Variants in AP3B1 observed in about 807,000 individuals in gnomAD.
The protein encoded by AP3B1 is AP-3 complex subunit beta-1.
Under a neutral mutation model 132.5 loss-of-function variants are expected in AP3B1, and 61 were observed. The observed-to-expected ratio is 0.46, with a 90% CI of 0.37 to 0.57. The LOEUF (loss-of-function observed/expected upper bound fraction) is 0.57, where lower values mean the gene tolerates loss of function less well. Among genes scored for constraint, AP3B1 ranks in the 20% least tolerant of loss-of-function variants. The pLI is 0.00. For missense variants in AP3B1, 1,120 were observed against 1,289.4 expected, an observed-to-expected ratio of 0.87 and a Z score of 2.01; for synonymous variants, 388 against 438.3, an observed-to-expected ratio of 0.89 and a Z score of 1.43.
At chr5:78,013,424 A>G (rs1746704336) in intron 26 of AP3B1, among the ~76,000 whole-genome samples, 1 of 152,234 alleles carries the variant, frequency 6.6e-6, no homozygotes, top group South Asian at 2.1e-4. Context: ...AAAGAAACCC[A>G]AAACAACCTA....
chr5:78,125,486 G>A (rs1752418508), intron 17 of AP3B1, among the ~76,000 whole-genome samples: 1 of 152,114 alleles, frequency 6.6e-6, no homozygotes. Context: ...ACAGTGACAT[G>A]ACTTGGAAGG....
Position 78,181,552 on chromosome 5 carries a change from G to A in AP3B1, c.897C>T (p.Leu299=), listed in dbSNP as rs748021130. 1.9e-6 allele frequency: 3 copies of A among 1,613,126 alleles called. No individual in the cohort carries two copies. Among genetic ancestry groups the A allele is most frequent in the South Asian group, 2.2e-5 (2 of 91,050 alleles). ...KPYTMDPDHR[L]LIRNTKPLLQ... ...GCAAAGGCTTTGTATTTCTAATTAAGAGTCTATGATCTGGATCCATAGTAT... is the reference window on the plus strand; with the variant it reads ...GCAAAGGCTTTGTATTTCTAATTAAAAGTCTATGATCTGGATCCATAGTAT... The change falls in exon 8 of 27, where the codon CTC becomes CTT. Residue 299 remains leucine (L), a synonymous_variant. Transcript: ENST00000255194.
intron 7 of AP3B1, among the ~76,000 whole-genome samples, chr5:78,203,299 G>A (rs1043403227): frequency 1.3e-5 from 2 of 152,150 alleles, no homozygotes; most frequent in African/African-American, 4.8e-5. Context: ...AGCTGGGGAG[G>A]CCTCAGGAAA....
chr5:78,265,349 G>A (rs1258536388), intron 2 of AP3B1, among the ~76,000 whole-genome samples: 4 of 152,214 alleles, frequency 2.6e-5, no homozygotes, highest in Middle Eastern at 3.4e-3. Context: ...AGGCTGAGGT[G>A]GGAGGATCGC....
At chr5:78,003,176 C>T (rs1156322490) in intron 26 of AP3B1, 121 bp from the exon 27 acceptor site, 25 of 1,200,944 alleles carry the variant, frequency 2.1e-5, no homozygotes, top group Admixed American at 4.6e-5. Context: ...CTGCAGGCTC[C>T]CTATTGCCAA....
intron 6 of AP3B1, among the ~76,000 whole-genome samples, chr5:78,219,318 A>G (rs1191471460): frequency 6.6e-6 from 1 of 152,164 alleles, no homozygotes; most frequent in Non-Finnish European, 1.5e-5. Context: ...TCTAAAGAAA[A>G]GAATGTCAAC....
intron 15 of AP3B1, among the ~76,000 whole-genome samples, chr5:78,139,300 T>C (rs1753050336): frequency 6.6e-6 from 1 of 152,126 alleles, no homozygotes; most frequent in African/African-American, 2.4e-5. Context: ...CCTAAGAGTC[T>C]AGGTATCATA....
At chr5:78,069,058 C>T (rs1749418986) in intron 22 of AP3B1, among the ~76,000 whole-genome samples, 1 of 152,212 alleles carries the variant, frequency 6.6e-6, no homozygotes, top group Non-Finnish European at 1.5e-5. Flanking sequence ...ATTCAATATT[C>T]CTTCCTGTTA....
rs555061705 is a variant in AP3B1 at position 78,029,165 on chromosome 5, T to A, written c.2894+5196A>T. ...CCTTACTCTCTGATTTGTCCATTTC[T>A]GATGTGCATGTTAAAATATACTATG... On this transcript the variant is annotated intron_variant, in intron 24 of 26. Transcript: ENST00000255194. 1.9e-4 allele frequency among the ~76,000 whole-genome samples: 29 copies of A among 152,350 alleles called. No homozygotes were observed. The South Asian group carries it at 4.8e-3, about 25-fold the overall frequency.
At chr5:78,170,508 T>C (rs557695190) in intron 11 of AP3B1, among the ~76,000 whole-genome samples, 2 of 152,338 alleles carry the variant, frequency 1.3e-5, no homozygotes, top group African/African-American at 4.8e-5. Flanking sequence ...TGATGACCAA[T>C]GAGGATGAGC....
intron 22 of AP3B1, among the ~76,000 whole-genome samples, chr5:78,076,332 C>T (rs535370203): frequency 3.3e-5 from 5 of 152,278 alleles, no homozygotes; most frequent in African/African-American, 7.2e-5. Flanking sequence ...TGAATAAATA[C>T]ATGTTGGATG....
intron 11 of AP3B1, among the ~76,000 whole-genome samples, chr5:78,169,935 T>C (rs1420411330): frequency 1.3e-5 from 2 of 152,170 alleles, no homozygotes; most frequent in South Asian, 2.1e-4. Context: ...GGCCCCGGTG[T>C]GTGATGTTCC....
Position 78,162,896 on chromosome 5 carries a change from C to A in AP3B1, c.1286G>T (p.Gly429Val). The A allele has an allele frequency of 6.2e-7, 1 of 1,613,676 alleles. No individual in the cohort carries two copies. Among genetic ancestry groups the A allele is most frequent in the Non-Finnish European group, 8.5e-7 (1 of 1,179,638 alleles). ...QFAAATIQTI[G>V]RCATNILEVT... ...TTCCAAGATGTTGGTTGCACATCTG[C>A]CTATAGTCTGAATAGTGGCTGCTGC... Residue 429 changes from glycine to valine, a missense_variant, in exon 13 of 27, where the codon GGC becomes GTC. Transcript: ENST00000255194.
At chr5:78,164,782 T>C (rs1267459521) in intron 12 of AP3B1, among the ~76,000 whole-genome samples, 1 of 152,058 alleles carries the variant, frequency 6.6e-6, no homozygotes, top group African/African-American at 2.4e-5. Context: ...AAAAATCACA[T>C]AGCTAAAAAG....
At chr5:78,013,158 C>T (rs1371237130) in intron 26 of AP3B1, among the ~76,000 whole-genome samples, 1 of 152,106 alleles carries the variant, frequency 6.6e-6, no homozygotes, top group Non-Finnish European at 1.5e-5. Context: ...GATCCTCCTA[C>T]CTCAGCTTCC....
intron 22 of AP3B1, among the ~76,000 whole-genome samples, chr5:78,059,587 C>CT (rs1748956403): frequency 6.6e-6 from 1 of 152,030 alleles, no homozygotes; most frequent in Non-Finnish European, 1.5e-5. Context: ...AACTTAAACT[C>CT]CAACTATTAT....
chr5:78,190,532 T>C (rs986895728), intron 7 of AP3B1, among the ~76,000 whole-genome samples: 1 of 152,156 alleles, frequency 6.6e-6, no homozygotes, highest in Non-Finnish European at 1.5e-5. Flanking sequence ...GAACAGGCAT[T>C]AGTCCAAACA....
intron 22 of AP3B1, among the ~76,000 whole-genome samples, chr5:78,053,131 A>G (rs1045002699): frequency 2.0e-5 from 3 of 152,234 alleles, no homozygotes; most frequent in African/African-American, 7.2e-5. Context: ...GATTAAAAAC[A>G]TAATATAAAA....
chr5:78,145,709 C>A (rs1192379100), intron 14 of AP3B1, among the ~76,000 whole-genome samples: 1 of 152,186 alleles, frequency 6.6e-6, no homozygotes, highest in Non-Finnish European at 1.5e-5. Flanking sequence ...GTGCCTCCTG[C>A]CATTTCCCCA....
Sources: gnomAD v4.1 joint callset for allele counts (sites outside exome capture counted in the v4.1 genomes callset) on GRCh38, gnomAD v4.1.1 for gene constraint, MANE v1.5 for transcripts, NCBI Gene and HGNC (gene_info 2026-07-23, HGNC 2026-07-21) for gene names.